The following EHMT1 variants were observed in gnomAD, a reference collection of about 807,000 sequenced individuals.
The protein encoded by EHMT1 is euchromatic histone lysine methyltransferase 1, also known as histone-lysine N-methyltransferase EHMT1.
A neutral mutation model predicts 147.2 loss-of-function variants in EHMT1; 15 were observed. The observed-to-expected ratio is 0.10, with a 90% CI of 0.07 to 0.16. The LOEUF (loss-of-function observed/expected upper bound fraction) is 0.16, where lower values mean the gene tolerates loss of function less well. EHMT1 is among the 10% of genes least tolerant of loss of function. EHMT1 has a pLI of 1.00. For synonymous variants in EHMT1, 795 were observed against 709.6 expected (o/e 1.12, Z -1.91); for missense variants, 1,587 against 1,772.4 (o/e 0.90, Z 1.88).
intron 3 of EHMT1, among the ~76,000 whole-genome samples, chr9:137,727,525 G>A (rs770932643): frequency 1.3e-5 from 2 of 152,116 alleles, no homozygotes; most frequent in African/African-American, 4.8e-5. Context: ...CAGTTCTCCC[G>A]GTACCATTTC....
chr9:137,760,567 G>A (rs1949723862), intron 9 of EHMT1, among the ~76,000 whole-genome samples: 1 of 152,236 alleles, frequency 6.6e-6, no homozygotes, highest in Admixed American at 6.5e-5. Context: ...CTCCTGCACA[G>A]AGTCCTTGAC....
At chr9:137,696,109 G>A (rs571686568) in intron 1 of EHMT1, among the ~76,000 whole-genome samples, 1 of 152,026 alleles carries the variant, frequency 6.6e-6, no homozygotes, top group African/African-American at 2.4e-5. Context: ...CCAAATTTAG[G>A]AACCAACTCT....
Position 137,757,997 on chromosome 9 carries a change from C to A in EHMT1, c.1487C>A (p.Ser496Tyr). Residue 496 changes from serine to tyrosine, a missense_variant, in exon 9 of 27, where the codon TCT becomes TAT. Transcript: ENST00000460843. ...SLDLRVKGIL[S>Y]SQAEGLANGP... ...GATCTCCGAGTCAAAGGAATTCTGT[C>A]TTCACAAGCAGAAGGTGAATGTGGT... 1 of 1,614,056 alleles carries A rather than the reference C, an allele frequency of 6.2e-7. No individual in the cohort carries two copies. Among genetic ancestry groups the A allele is most frequent in the Non-Finnish European group, 8.5e-7 (1 of 1,180,020 alleles).
chr9:137,702,638 A>G (rs1943933658), intron 1 of EHMT1, among the ~76,000 whole-genome samples: 1 of 152,072 alleles, frequency 6.6e-6, no homozygotes, highest in African/African-American at 2.4e-5. Flanking sequence ...GGCGTGTGGT[A>G]CAAGCCGTAG....
rs748199001 is a variant in EHMT1, at chr9:137,813,127, G to T, written c.2989G>T (p.Asp997Tyr). Residue 997 changes from aspartate to tyrosine, a missense_variant, in exon 20 of 27, where the codon GAC becomes TAC. Around this residue, in one of 7 missense-constraint regions of EHMT1, gnomAD observed 78 missense variants for 68.9 expected, o/e 1.13. Coordinates refer to ENST00000460843, the MANE Select transcript of EHMT1 (RefSeq NM_024757.5). The surrounding 1 kb of genome is among the most constrained non-coding windows in gnomAD (Gnocchi z 4.9). ...TCTGCAGATGAGCAAGGCTCTGCAGGACTCGGCCCCCGACAGGCCCAGCCC... is the reference window on the plus strand; with the variant it reads ...TCTGCAGATGAGCAAGGCTCTGCAGTACTCGGCCCCCGACAGGCCCAGCCC... ...SALQMSKALQ[D>Y]SAPDRPSPVE... is the part of the protein sequence containing the mutation. 3 of 1,612,516 alleles carry T rather than the reference G, an allele frequency of 1.9e-6. No homozygotes were observed. The highest frequency in any genetic ancestry group is 1.7e-6 in the Non-Finnish European group (2 of 1,180,026).
intron 18 of EHMT1, chr9:137,802,753 G>A: frequency 8.5e-7 from 1 of 1,178,500 alleles, no homozygotes; most frequent in Non-Finnish European, 1.1e-6. Flanking sequence ...TGGAGTGACT[G>A]GTCCTGAGCT....
At chr9:137,812,589 C>T (rs925107923) in intron 19 of EHMT1, among the ~76,000 whole-genome samples, 3 of 152,270 alleles carry the variant, frequency 2.0e-5, no homozygotes, top group Admixed American at 1.3e-4. Context: ...CCCAGCTCCA[C>T]GTACGATGAC....
At chr9:137,643,481 C>T (rs1010194131) in intron 1 of EHMT1, among the ~76,000 whole-genome samples, 2 of 151,658 alleles carry the variant, frequency 1.3e-5, no homozygotes, top group Non-Finnish European at 2.9e-5. Context: ...GCTGGGACTA[C>T]AGGACTACAG....
chr9:137,817,684 T>C, intron 24 of EHMT1, 159 bp downstream of exon 24: 1 of 889,704 alleles, frequency 1.1e-6, no homozygotes, highest in Non-Finnish European at 1.8e-6. Context: ...AGAACCAAGC[T>C]CGTGCTGTCC....
At position 137,716,933 on chromosome 9, in the gene EHMT1, C is replaced by G; in HGVS notation, c.393C>G (p.Ala131=). 1.2e-6 allele frequency: 2 copies of G among 1,612,940 alleles called. No individual in the cohort carries two copies. The highest frequency in any genetic ancestry group is 1.7e-6 in the Non-Finnish European group (2 of 1,179,854). ...GSNGYILNKP[A]LQAQPLRTTS... is the part of the protein sequence containing the mutation. ...ACGGATACATCTTAAATAAGCCGGC[C>G]CTACAGGCACAGCCCTTGAGGACTA... Residue 131 remains alanine (A), a synonymous_variant, in exon 3 of 27, where the codon GCC becomes GCG. Coordinates refer to ENST00000460843, the MANE Select transcript of EHMT1 (RefSeq NM_024757.5).
intron 12 of EHMT1, chr9:137,777,435 A>G (rs1358978900): frequency 9.9e-6 from 2 of 201,240 alleles, no homozygotes; most frequent in Non-Finnish European, 2.0e-5. Flanking sequence ...AAACAGCAAC[A>G]AAACTTGTTA....
intron 6 of EHMT1, among the ~76,000 whole-genome samples, chr9:137,749,410 C>A (rs969912406): frequency 2.0e-5 from 3 of 152,054 alleles, no homozygotes; most frequent in African/African-American, 7.2e-5. Flanking sequence ...TAGCTAGGAC[C>A]ACAGGCATGC....
intron 1 of EHMT1, among the ~76,000 whole-genome samples, chr9:137,680,479 A>G (rs533890016): frequency 6.6e-6 from 1 of 152,338 alleles, no homozygotes; most frequent in East Asian, 1.9e-4. Flanking sequence ...TCTCAAAAAA[A>G]CAATTATCAA....
chr9:137,833,144 C>T (rs1956338151), intron 25 of EHMT1, among the ~76,000 whole-genome samples: 1 of 152,220 alleles, frequency 6.6e-6, no homozygotes, highest in Admixed American at 6.5e-5. Flanking sequence ...GTTTTAACCT[C>T]TTGACCTCTG....
intron 1 of EHMT1, among the ~76,000 whole-genome samples, chr9:137,642,035 T>C (rs757939320): frequency 2.0e-5 from 3 of 151,750 alleles, no homozygotes; most frequent in Non-Finnish European, 2.9e-5. Flanking sequence ...AGACGGAGTT[T>C]CGTCAAGTTG....
chr9:137,762,570 A>T, intron 9 of EHMT1, 105 bp from the exon 10 acceptor site: 1 of 1,577,748 alleles, frequency 6.3e-7, no homozygotes, highest in South Asian at 1.1e-5. Context: ...CATTGCTTTC[A>T]TTTCCTGGCG....
intron 1 of EHMT1, among the ~76,000 whole-genome samples, chr9:137,661,771 C>T (rs1039365454): frequency 1.3e-5 from 2 of 152,030 alleles, no homozygotes; most frequent in Middle Eastern, 3.4e-3. Context: ...CCACTGCACC[C>T]GGCTGTTTTT....
At chr9:137,825,161 A>G (rs1955721006) in intron 25 of EHMT1, among the ~76,000 whole-genome samples, 1 of 152,204 alleles carries the variant, frequency 6.6e-6, no homozygotes, top group African/African-American at 2.4e-5. Flanking sequence ...CTCTTCTTGA[A>G]GGCCAGCAGG....
At chr9:137,809,836 G>A (rs1588837136) in intron 18 of EHMT1, among the ~76,000 whole-genome samples, 1 of 152,148 alleles carries the variant, frequency 6.6e-6, no homozygotes, top group Non-Finnish European at 1.5e-5. Context: ...GTGGGGGAAG[G>A]GTCCGGAGGC....
Sources: gnomAD v4.1 joint callset for allele counts (sites outside exome capture counted in the v4.1 genomes callset) on GRCh38, gnomAD v4.1.1 for gene constraint, gnomAD v4.1.1 regional missense constraint, Gnocchi (gnomAD v3.1) non-coding constraint, MANE v1.5 for transcripts, NCBI Gene and HGNC (gene_info 2026-07-23, HGNC 2026-07-21) for gene names.